Variants in PTPRN2 observed in about 807,000 individuals in gnomAD.
The protein encoded by PTPRN2 is protein tyrosine phosphatase receptor type N2.
PTPRN2 carries 74 observed loss-of-function variants against 118.8 expected under a neutral mutation model. That is an observed-to-expected ratio of 0.62 (90% CI 0.52 to 0.76). The LOEUF is 0.76. Among genes scored for constraint, PTPRN2 ranks in the 30% least tolerant of loss-of-function variants. The pLI, the probability that PTPRN2 is intolerant of heterozygous loss-of-function variation, is 0.00. For synonymous variants in PTPRN2, 641 were observed against 608.0 expected (o/e 1.05, Z -0.80); for missense variants, 1,481 against 1,394.4 (o/e 1.06, Z -0.99).
At chr7:157,557,789 T>G (rs956725616) in intron 21 of PTPRN2, among the ~76,000 whole-genome samples, 1 of 152,130 alleles carries the variant, frequency 6.6e-6, no homozygotes, top group African/African-American at 2.4e-5. Context: ...ACTAGCTATT[T>G]CTTATGTTTT....
At chr7:158,230,050 C>T (rs546462057) in intron 3 of PTPRN2, among the ~76,000 whole-genome samples, 1 of 152,160 alleles carries the variant, frequency 6.6e-6, no homozygotes, top group Admixed American at 6.5e-5. Context: ...CAACCAACTA[C>T]TCAACAGAAA....
chr7:157,667,456 A>T (rs1024532865), intron 13 of PTPRN2, among the ~76,000 whole-genome samples: 1 of 152,206 alleles, frequency 6.6e-6, no homozygotes, highest in African/African-American at 2.4e-5. Flanking sequence ...CCGCATCTAC[A>T]TTTGGGCACA....
chr7:158,162,222 G>T (rs1034967098), intron 6 of PTPRN2, among the ~76,000 whole-genome samples: 6 of 152,198 alleles, frequency 3.9e-5, no homozygotes, highest in African/African-American at 1.4e-4. Context: ...ATGTGATCCA[G>T]TGATTACACT....
intron 12 of PTPRN2, among the ~76,000 whole-genome samples, chr7:157,819,799 A>G (rs560106542): frequency 2.0e-5 from 3 of 152,004 alleles, no homozygotes; most frequent in Admixed American, 6.5e-5. Context: ...TTGTGTATTC[A>G]TGAACACGCA....
At chr7:157,834,702 G>A (rs1272564108) in intron 12 of PTPRN2, among the ~76,000 whole-genome samples, 4 of 152,366 alleles carry the variant, frequency 2.6e-5, no homozygotes, top group Non-Finnish European at 1.5e-5. Context: ...GGGAAGCCAC[G>A]GGGCTGCGGG....
chr7:157,652,646 G>T (rs1805742154), intron 14 of PTPRN2, among the ~76,000 whole-genome samples: 1 of 152,122 alleles, frequency 6.6e-6, no homozygotes. Context: ...CCACCTGCTG[G>T]GACACCTTGA....
At chr7:157,626,363 A>G (rs1162941957) in intron 14 of PTPRN2, among the ~76,000 whole-genome samples, 1 of 152,176 alleles carries the variant, frequency 6.6e-6, no homozygotes, top group Non-Finnish European at 1.5e-5. Context: ...CTATCCCATA[A>G]GACTGCTTCT....
chr7:158,576,456 C>T (rs936932936), intron 1 of PTPRN2, among the ~76,000 whole-genome samples: 1 of 152,226 alleles, frequency 6.6e-6, no homozygotes, highest in African/African-American at 2.4e-5. Context: ...GGACAAGCCC[C>T]GGGGCCCACA....
At chr7:157,927,031 G>A (rs111338526) in intron 11 of PTPRN2, among the ~76,000 whole-genome samples, 8 of 124,236 alleles carry the variant, frequency 6.4e-5, no homozygotes, top group Non-Finnish European at 1.3e-4. Flanking sequence ...CCAAAGACAG[G>A]AAGCCCCAGG....
intron 16 of PTPRN2, among the ~76,000 whole-genome samples, chr7:157,599,206 C>T (rs1801521016): frequency 6.6e-6 from 1 of 152,142 alleles, no homozygotes; most frequent in African/African-American, 2.4e-5. Flanking sequence ...GATGGGGTTT[C>T]ACCATATTGG....
chr7:157,672,232 G>C (rs1796453067), intron 13 of PTPRN2, among the ~76,000 whole-genome samples: 2 of 152,262 alleles, frequency 1.3e-5, no homozygotes, highest in South Asian at 2.1e-4. Context: ...CATGCCCGGG[G>C]CGAGGAAGGG....
At chr7:157,552,098 CTA>C (rs1798661618) in intron 21 of PTPRN2, among the ~76,000 whole-genome samples, 1 of 151,168 alleles carries the variant, frequency 6.6e-6, no homozygotes, top group Admixed American at 6.6e-5. Flanking sequence ...ACCATGCACT[CTA>C]TGGCCACTGC....
chr7:157,590,643 C>T lies in PTPRN2; in HGVS notation c.2496+4595G>A, dbSNP rs1035581161. Among the ~76,000 whole-genome samples the T allele has an allele frequency of 7.9e-5, 12 of 152,126 alleles. No homozygotes were observed. Among genetic ancestry groups the T allele is most frequent in the African/African-American group, 2.9e-4 (12 of 41,560 alleles). ...CAGCACGGACAGAGGTGCTGTGGGC[C>T]CTGCGGGACGGGGAGCTGATGGGGC... On this transcript the variant is annotated intron_variant, in intron 17 of 22. Coordinates refer to ENST00000389418, the MANE Select transcript of PTPRN2 (RefSeq NM_002847.5). The surrounding 1 kb of genome is among the most constrained non-coding windows in gnomAD (Gnocchi z 4.0).
intron 11 of PTPRN2, among the ~76,000 whole-genome samples, chr7:157,966,402 C>T (rs1263163013): frequency 4.6e-5 from 7 of 151,672 alleles, no homozygotes; most frequent in Admixed American, 6.6e-5. Context: ...ATCACTATCA[C>T]CATCATCGCC....
chr7:158,114,389 A>G (rs1037245809), intron 9 of PTPRN2, among the ~76,000 whole-genome samples: 3 of 152,196 alleles, frequency 2.0e-5, no homozygotes, highest in Non-Finnish European at 2.9e-5. Flanking sequence ...CCCTTGGCCA[A>G]ACTCCCACAC....
rs1173077309 is a variant in PTPRN2 at position 157,761,638 on chromosome 7, A to G, written c.1789-78701T>C. On this transcript the variant is annotated intron_variant, in intron 12 of 22. Coordinates refer to ENST00000389418, the MANE Select transcript of PTPRN2 (RefSeq NM_002847.5). ...AGACTTAAACATTAGACCTAAAACC[A>G]TAAAAACCCTAGAAGAAAACCTAGG... 4.0e-5 allele frequency among the ~76,000 whole-genome samples: 6 copies of G among 148,296 alleles called. 1 individual carries two copies. The highest frequency in any genetic ancestry group is 1.5e-4 in the African/African-American group (6 of 39,364).
chr7:157,829,764 C>T (rs1411334779), intron 12 of PTPRN2, among the ~76,000 whole-genome samples: 1 of 152,220 alleles, frequency 6.6e-6, no homozygotes, highest in Non-Finnish European at 1.5e-5. Flanking sequence ...GAAGGTCGCT[C>T]CAGGAAAAGC....
At chr7:158,369,249 T>TTATATATA (rs770252182) in intron 2 of PTPRN2, among the ~76,000 whole-genome samples, 99,981 of 143,390 alleles carry the variant, frequency 0.7, 35,185 homozygotes, top group Middle Eastern at 0.79. Context: ...AAACTCCCCT[T>TTATATATA]TATATATATA....
rs914549824 is a variant in PTPRN2 at position 157,787,725 on chromosome 7, T to C, written c.1789-104788A>G. On this transcript the variant is annotated intron_variant, in intron 12 of 22. Transcript: ENST00000389418. This position sits in a 1 kb window ranked among gnomAD's most constrained non-coding sequence, Gnocchi z 5.3. ...TTGAGCTGGTGCCATCTGGGTCCCC[T>C]GGGGTGGTGGCTGGGTGAGCCCAGC... Among the ~76,000 whole-genome samples the C allele has an allele frequency of 1.3e-5, 2 of 152,144 alleles. No individual in the cohort carries two copies. Among genetic ancestry groups the C allele is most frequent in the Non-Finnish European group, 2.9e-5 (2 of 68,008 alleles).
Sources: allele counts gnomAD v4.1 joint callset (sites outside exome capture counted in the v4.1 genomes callset), GRCh38; gene constraint gnomAD v4.1.1; non-coding constraint Gnocchi (gnomAD v3.1); transcripts MANE v1.5; gene names NCBI Gene and HGNC (gene_info 2026-07-23, HGNC 2026-07-21).